The following PPFIBP2 variants were observed in gnomAD, a reference collection of about 807,000 sequenced individuals.
PPFIBP2 encodes the protein liprin-beta-2.
Under a neutral mutation model 118.3 loss-of-function variants are expected in PPFIBP2, and 118 were observed. That is an observed-to-expected ratio of 1.00 (90% CI 0.86 to 1.16). The LOEUF (loss-of-function observed/expected upper bound fraction) is 1.16. Among genes scored for constraint, PPFIBP2 ranks in the 50% most tolerant of loss-of-function variants. The probability of loss-of-function intolerance (pLI) is 0.00; values close to 1 mark genes in which losing one functional copy is unlikely to be tolerated. For missense variants in PPFIBP2, 1,195 were observed against 1,073.1 expected (o/e 1.11, Z -1.59); for synonymous variants, 414 against 397.4 (o/e 1.04, Z -0.50).
At position 7,626,324 on chromosome 11, in the gene PPFIBP2, C is replaced by G. The variant is rs921492517; in HGVS notation, c.826+433C>G. On this transcript the variant is annotated intron_variant, in intron 8 of 23. Transcript: ENST00000299492. The stretch of plus-strand genomic sequence containing the variant: ...CTGATGCCTGTATAAGGCCCTGAGA[C>G]TACAGAAACAAGTCAGTTCTTTTTC... Among the ~76,000 whole-genome samples, 10 of 152,244 alleles carry G rather than the reference C, an allele frequency of 6.6e-5. No homozygotes were observed. In the East Asian group the frequency reaches 1.9e-3, roughly 29 times the overall value.
At chr11:7,604,795 T>A (rs1361533429) in intron 5 of PPFIBP2, among the ~76,000 whole-genome samples, 1 of 151,964 alleles carries the variant, frequency 6.6e-6, no homozygotes, top group Non-Finnish European at 1.5e-5. Context: ...TAACCTAGAG[T>A]AGCACAGAGC....
intron 6 of PPFIBP2, chr11:7,617,246 C>G (rs111259511): frequency 3.0e-6 from 3 of 985,226 alleles, no homozygotes; most frequent in South Asian, 4.7e-5. Context: ...ACGGTGTGGC[C>G]GAGCCCCAGC....
chr11:7,526,324 G>A (rs1382771365), intron 1 of PPFIBP2, among the ~76,000 whole-genome samples: 1 of 152,178 alleles, frequency 6.6e-6, no homozygotes, highest in Non-Finnish European at 1.5e-5. Context: ...GTGAGTAAAA[G>A]GCATAGAAGC....
intron 2 of PPFIBP2, among the ~76,000 whole-genome samples, chr11:7,556,275 G>GA (rs749871774): frequency 2.6e-5 from 4 of 152,128 alleles, no homozygotes; most frequent in Non-Finnish European, 5.9e-5. Flanking sequence ...CTAACACAGT[G>GA]AAACCCCGTC....
At chr11:7,547,996 T>C (rs530914914) in intron 1 of PPFIBP2, among the ~76,000 whole-genome samples, 2 of 152,322 alleles carry the variant, frequency 1.3e-5, no homozygotes, top group South Asian at 4.1e-4. Context: ...CAAAAATATG[T>C]CCTGATGTTA....
chr11:7,554,857 A>C (rs1853426610), intron 2 of PPFIBP2, among the ~76,000 whole-genome samples: 1 of 149,014 alleles, frequency 6.7e-6, no homozygotes, highest in African/African-American at 2.5e-5. Flanking sequence ...ATTTTATATC[A>C]GAAAGTTGGG....
At position 7,565,724 on chromosome 11, in the gene PPFIBP2, G is replaced by A. The variant is rs769180347; in HGVS notation, c.236G>A (p.Gly79Asp). 9.3e-6 allele frequency: 15 copies of A among 1,614,014 alleles called. No individual in the cohort carries two copies. Among genetic ancestry groups the A allele is most frequent in the Non-Finnish European group, 1.3e-5 (15 of 1,180,026 alleles). The change falls in exon 3 of 24, where the codon GGC becomes GAC. Residue 79 changes from glycine (G) to aspartate (D), a missense_variant. Transcript: ENST00000299492. ...ERAALLSQIP[G>D]PTAAYIKEWF... The stretch of plus-strand genomic sequence containing the variant: ...GCAGCCCTCCTGAGCCAGATCCCTG[G>A]CCCAACAGCTGCCTACATAAAGGAA...
At chr11:7,582,716 GAA>G (rs57245348) in intron 3 of PPFIBP2, among the ~76,000 whole-genome samples, 1 of 127,190 alleles carries the variant, frequency 7.9e-6, no homozygotes. Context: ...AATGTCATAG[GAA>G]AAAAAAAAAA....
chr11:7,639,682 G>A, intron 14 of PPFIBP2, 50 bp from the exon 15 acceptor site: 1 of 1,611,510 alleles, frequency 6.2e-7, no homozygotes, highest in Non-Finnish European at 8.5e-7. Flanking sequence ...TTTCCTAACT[G>A]AGGCTGACAG....
At chr11:7,666,501 G>A in the PPFIBP2 span, 2 of 1,613,616 alleles carry the variant, frequency 1.2e-6, no homozygotes, top group Non-Finnish European at 1.7e-6. Context: ...GTCTGGGTGA[G>A]TCCTGGCAAT....
intron 1 of PPFIBP2, among the ~76,000 whole-genome samples, chr11:7,542,405 TTTAATC>T (rs1021543875): frequency 2.0e-5 from 3 of 152,352 alleles, no homozygotes; most frequent in African/African-American, 4.8e-5. Context: ...TTTTATTTCT[TTTAATC>T]TTAATCACCA....
chr11:7,605,584 T>A lies in PPFIBP2; in HGVS notation c.487-4707T>A, dbSNP rs1847239791. The A allele has an allele frequency of 1.5e-5, 7 of 481,904 alleles. No individual in the cohort carries two copies. In the South Asian group the frequency reaches 6.2e-4, roughly 43 times the overall value. 29.9% of individuals were successfully genotyped at this position (481,904 alleles called of 1,614,324 possible). A position where few individuals can be genotyped will look rare whatever the true frequency, so the allele number is the denominator to read the frequency against. On this transcript the variant is annotated intron_variant, in intron 5 of 23. Coordinates refer to ENST00000299492, the MANE Select transcript of PPFIBP2 (RefSeq NM_003621.5). ...ACTAACAAATGCACATGAGGCCTGT[T>A]ACAGGGATGAGATCCCATGAGGATT...
chr11:7,530,961 T>A (rs747332742), intron 1 of PPFIBP2, among the ~76,000 whole-genome samples: 9 of 152,170 alleles, frequency 5.9e-5, no homozygotes, highest in Non-Finnish European at 1.3e-4. Context: ...AAGACTCTGC[T>A]TTATGGAAAG....
intron 1 of PPFIBP2, 42 bp from the exon 2 acceptor site, chr11:7,549,398 A>G: frequency 6.6e-7 from 1 of 1,519,556 alleles, no homozygotes; most frequent in Non-Finnish European, 8.9e-7. Flanking sequence ...GTAACATGGA[A>G]CTCTCTGTAA....
intron 1 of PPFIBP2, among the ~76,000 whole-genome samples, chr11:7,519,197 G>A (rs1849510192): frequency 6.6e-6 from 1 of 152,120 alleles, no homozygotes; most frequent in Admixed American, 6.5e-5. Flanking sequence ...GAGGCTTGCG[G>A]GGTTAAAGAA....
At chr11:7,534,955 A>T (rs570609877) in intron 1 of PPFIBP2, among the ~76,000 whole-genome samples, 1 of 152,238 alleles carries the variant, frequency 6.6e-6, no homozygotes, top group South Asian at 2.1e-4. Context: ...TTGCAGGTGC[A>T]TCACTACAGG....
At chr11:7,557,255 T>G (rs995945537) in intron 2 of PPFIBP2, among the ~76,000 whole-genome samples, 8 of 152,116 alleles carry the variant, frequency 5.3e-5, no homozygotes, top group Non-Finnish European at 1.0e-4. Flanking sequence ...TGTATTTTTT[T>G]TTTCAGATTT....
At chr11:7,573,895 G>A (rs183360914) in intron 3 of PPFIBP2, 42 of 152,340 alleles carry the variant, frequency 2.8e-4, no homozygotes, top group African/African-American at 1.0e-3. Context: ...GTGACCATGA[G>A]ATTCCTCTCA....
intron 1 of PPFIBP2, among the ~76,000 whole-genome samples, chr11:7,537,481 G>T (rs115494952): frequency 1.2e-3 from 182 of 152,306 alleles, no homozygotes; most frequent in African/African-American, 4.1e-3. Flanking sequence ...TGGCTGTGTG[G>T]CCAGGGCAGG....
Sources: gnomAD v4.1 joint callset for allele counts (sites outside exome capture counted in the v4.1 genomes callset) on GRCh38, gnomAD v4.1.1 for gene constraint, MANE v1.5 for transcripts, NCBI Gene and HGNC (gene_info 2026-07-23, HGNC 2026-07-21) for gene names.